Variants in FSHR observed in about 807,000 individuals in gnomAD.
FSHR encodes the protein follicle stimulating hormone receptor.
A neutral mutation model predicts 52.1 loss-of-function variants in FSHR; 46 were observed. The observed-to-expected ratio is 0.88, with a 90% confidence interval of 0.70 to 1.13. The LOEUF is 1.13. Ranked by LOEUF, FSHR falls within the 50% of genes most tolerant of loss-of-function variation. The pLI is 0.00. For missense variants in FSHR, 964 were observed against 834.6 expected, an observed-to-expected ratio of 1.16 and a Z score of -1.91; for synonymous variants, 399 against 309.6, an observed-to-expected ratio of 1.29 and a Z score of -3.03.
At chr2:49,083,103 G>A (rs1370933941) in intron 1 of FSHR, among the ~76,000 whole-genome samples, 21 of 151,434 alleles carry the variant, frequency 1.4e-4, no homozygotes, top group Middle Eastern at 3.5e-3. Flanking sequence ...GAGAAAGGTC[G>A]GGTTACCCTC....
At chr2:49,034,242 C>T (rs571033668) in intron 2 of FSHR, among the ~76,000 whole-genome samples, 1 of 152,308 alleles carries the variant, frequency 6.6e-6, no homozygotes, top group East Asian at 1.9e-4. Context: ...CCAGTTCTAA[C>T]ACAGGAGAGG....
intron 4 of FSHR, among the ~76,000 whole-genome samples, chr2:49,016,689 C>A (rs777870606): frequency 5.9e-5 from 9 of 152,156 alleles, no homozygotes; most frequent in Non-Finnish European, 1.0e-4. Flanking sequence ...TAAAAAATGA[C>A]AAGTAGTTGT....
chr2:48,963,384 G>A lies in FSHR; in HGVS notation c.1437C>T (p.Cys479=). Residue 479 remains cysteine, a synonymous_variant, in exon 10 of 10, where the codon TGC becomes TGT. Coordinates refer to ENST00000406846, the MANE Select transcript of FSHR (RefSeq NM_000145.4). ...HTITHAMQLD[C]KVQLRHAASV... ...TGGCAGCATGGCGGAGCTGCACCTT[G>A]CAGTCCAGCTGCATGGCATGCGTGA... The A allele has an allele frequency of 6.2e-7, 1 of 1,614,058 alleles. No individual in the cohort carries two copies. Among genetic ancestry groups the A allele is most frequent in the Non-Finnish European group, 8.5e-7 (1 of 1,179,990 alleles).
chr2:48,964,592 A>C (rs990683064), intron 9 of FSHR, among the ~76,000 whole-genome samples: 19 of 152,168 alleles, frequency 1.2e-4, no homozygotes, highest in Admixed American at 3.9e-4. Flanking sequence ...AATAGGCCTC[A>C]GCATGTGCTT....
At chr2:49,073,773 C>G (rs374313400) in intron 1 of FSHR, among the ~76,000 whole-genome samples, 3 of 151,946 alleles carry the variant, frequency 2.0e-5, no homozygotes, top group East Asian at 3.8e-4. Flanking sequence ...GCATCACATT[C>G]TCAGACTTCA....
chr2:48,993,342 T>C (rs751041632), intron 4 of FSHR, among the ~76,000 whole-genome samples: 1 of 152,152 alleles, frequency 6.6e-6, no homozygotes, highest in Non-Finnish European at 1.5e-5. Context: ...TCAATTACTC[T>C]CCATAGATAG....
intron 1 of FSHR, among the ~76,000 whole-genome samples, chr2:49,076,681 C>A (rs1201493723): frequency 6.6e-6 from 1 of 152,160 alleles, no homozygotes; most frequent in African/African-American, 2.4e-5. Context: ...AAGGCCAGCC[C>A]CTTCTGCCTA....
In FSHR at chr2:48,963,718, A is replaced by G; in HGVS notation, c.1103T>C (p.Leu368Pro). ...DIMGYNILRV[L>P]IWFISILAIT... ...GGCCAGGATGCTGATAAACCATATC[A>G]GGACTCTGAGGATGTTGTACCCCAT... The change falls in exon 10 of 10, where the codon CTG becomes CCG. Residue 368 changes from leucine to proline, a missense_variant. Physicochemically the swap from Leu to Pro is moderately conservative, Grantham distance 98 (BLOSUM62 -3). Coordinates refer to ENST00000406846, the MANE Select transcript of FSHR (RefSeq NM_000145.4). 6.2e-7 allele frequency: 1 copy of G among 1,614,214 alleles called. No homozygotes were observed. The highest frequency in any genetic ancestry group is 8.5e-7 in the Non-Finnish European group (1 of 1,180,030).
chr2:48,965,484 C>T (rs1674432455), intron 9 of FSHR, among the ~76,000 whole-genome samples: 1 of 152,130 alleles, frequency 6.6e-6, no homozygotes, highest in Non-Finnish European at 1.5e-5. Flanking sequence ...AAAGGTGAGG[C>T]AAGCTCCATA....
chr2:49,132,685 T>C (rs989624718), intron 1 of FSHR, among the ~76,000 whole-genome samples: 1 of 152,080 alleles, frequency 6.6e-6, no homozygotes, highest in African/African-American at 2.4e-5. Context: ...TCTCTTTTGT[T>C]CAAGGGCACA....
intron 1 of FSHR, among the ~76,000 whole-genome samples, chr2:49,149,935 C>A (rs555134513): frequency 1.3e-4 from 20 of 152,098 alleles, no homozygotes; most frequent in African/African-American, 4.3e-4. Context: ...ACAAGAATGA[C>A]CATCAATAGA....
At chr2:48,969,748 G>T (rs936103343) in intron 8 of FSHR, among the ~76,000 whole-genome samples, 1 of 152,214 alleles carries the variant, frequency 6.6e-6, no homozygotes, top group Non-Finnish European at 1.5e-5. Flanking sequence ...CAGCACAAAT[G>T]ACCAGTTTAA....
intron 2 of FSHR, among the ~76,000 whole-genome samples, chr2:49,052,521 A>G (rs1668901797): frequency 6.6e-6 from 1 of 152,218 alleles, no homozygotes; most frequent in Non-Finnish European, 1.5e-5. Flanking sequence ...GAATAAAAAT[A>G]TCTGGAAGTG....
chr2:49,140,830 A>G (rs997649601), intron 1 of FSHR, among the ~76,000 whole-genome samples: 4 of 152,166 alleles, frequency 2.6e-5, no homozygotes, highest in Non-Finnish European at 5.9e-5. Context: ...TTAAAATACT[A>G]TCATCAAGGT....
intron 4 of FSHR, among the ~76,000 whole-genome samples, chr2:49,005,960 G>A (rs1001045515): frequency 1.3e-5 from 2 of 152,118 alleles, no homozygotes; most frequent in Non-Finnish European, 2.9e-5. Context: ...CTGCCAGCAT[G>A]GCCAGACTAT....
At chr2:49,090,895 A>G (rs1278305775) in intron 1 of FSHR, among the ~76,000 whole-genome samples, 3 of 151,858 alleles carry the variant, frequency 2.0e-5, no homozygotes, top group Non-Finnish European at 4.4e-5. Flanking sequence ...TGTTGTGCTT[A>G]TTTGTCATTC....
chr2:49,074,667 C>A (rs13028329), intron 1 of FSHR, among the ~76,000 whole-genome samples: 1 of 151,776 alleles, frequency 6.6e-6, no homozygotes, highest in East Asian at 1.9e-4. Flanking sequence ...AATCCTACTA[C>A]TTAGAATTTA....
At chr2:49,046,045 T>A (rs1487186091) in intron 2 of FSHR, among the ~76,000 whole-genome samples, 1 of 152,168 alleles carries the variant, frequency 6.6e-6, no homozygotes, top group Non-Finnish European at 1.5e-5. Context: ...ACTTCTTAGA[T>A]GTTGATCTCA....
At chr2:48,983,939 G>A (rs1347085254) in intron 6 of FSHR, among the ~76,000 whole-genome samples, 1 of 152,128 alleles carries the variant, frequency 6.6e-6, no homozygotes, top group African/African-American at 2.4e-5. Flanking sequence ...CTACAGCTCT[G>A]CCTTGCTCTG....
Sources: gnomAD v4.1 joint callset for allele counts (sites outside exome capture counted in the v4.1 genomes callset) on GRCh38, gnomAD v4.1.1 for gene constraint, MANE v1.5 for transcripts, NCBI Gene and HGNC (gene_info 2026-07-23, HGNC 2026-07-21) for gene names.